Variants in FBRSL1 observed in about 807,000 individuals in gnomAD.
FBRSL1 encodes fibrosin like 1, also known as fibrosin-1-like protein.
FBRSL1 carries 51 observed loss-of-function variants against 89.6 expected under a neutral mutation model. The observed-to-expected ratio is 0.57, with a 90% confidence interval of 0.45 to 0.72. The LOEUF is 0.72. Among genes scored for constraint, FBRSL1 ranks in the 30% least tolerant of loss-of-function variants. FBRSL1 has a pLI of 0.00. For synonymous variants in FBRSL1, 779 were observed against 681.1 expected, an observed-to-expected ratio of 1.14 and a Z score of -2.24; for missense variants, 1,618 against 1,451.8, an observed-to-expected ratio of 1.11 and a Z score of -1.86.
chr12:132,537,946 C>T (rs553744582), intron 4 of FBRSL1, among the ~76,000 whole-genome samples: 73 of 152,276 alleles, frequency 4.8e-4, no homozygotes, highest in African/African-American at 1.6e-3. Flanking sequence ...CGTGTGCAGG[C>T]GCAGTGGCCA....
chr12:132,525,719 C>T lies in FBRSL1; in HGVS notation c.490-15C>T. 6.5e-7 allele frequency: 1 copy of T among 1,537,828 alleles called. No individual in the cohort carries two copies. The highest frequency in any genetic ancestry group is 2.0e-5 in the Admixed American group (1 of 50,884). ...GGTGGGGGTTTGCCTGAGACAGTGT[C>T]TCTCTCTGTCCCAGATGAAGGTCAC... On this transcript the variant is annotated splice_polypyrimidine_tract_variant and intron_variant, in intron 2 of 18. Transcript: ENST00000680143.
chr12:132,563,474 C>G (rs2039318105), intron 5 of FBRSL1, among the ~76,000 whole-genome samples: 1 of 151,888 alleles, frequency 6.6e-6, no homozygotes, highest in African/African-American at 2.4e-5. Flanking sequence ...TCATTCGGTT[C>G]TGTGGATCTC....
chr12:132,536,528 C>G (rs753045302), intron 4 of FBRSL1, among the ~76,000 whole-genome samples: 1 of 148,644 alleles, frequency 6.7e-6, no homozygotes, highest in Non-Finnish European at 1.5e-5. Context: ...TGCATGTGTA[C>G]ATGGTGTGTG....
intron 2 of FBRSL1, chr12:132,510,653 A>G: frequency 8.1e-7 from 1 of 1,229,508 alleles, no homozygotes; most frequent in Non-Finnish European, 1.0e-6. Context: ...CAGTGCCACG[A>G]TCAGGCTGAG....
intron 15 of FBRSL1, among the ~76,000 whole-genome samples, chr12:132,578,543 T>C (rs1195216671): frequency 6.6e-6 from 1 of 152,022 alleles, no homozygotes; most frequent in Non-Finnish European, 1.5e-5. Flanking sequence ...TTCAAACCCA[T>C]GTTGTTCAAG....
chr12:132,493,277 A>G (rs1342628652), intron 1 of FBRSL1, among the ~76,000 whole-genome samples: 3 of 152,000 alleles, frequency 2.0e-5, no homozygotes, highest in Non-Finnish European at 2.9e-5. Flanking sequence ...CTCTGCCCCC[A>G]CCCGCGTCTT....
intron 1 of FBRSL1, among the ~76,000 whole-genome samples, chr12:132,496,326 G>C (rs1189322452): frequency 2.0e-5 from 3 of 152,244 alleles, no homozygotes; most frequent in Non-Finnish European, 4.4e-5. Context: ...TGGAGAAAGA[G>C]AAGTGCCCAG....
rs557306850 is a variant in FBRSL1 at position 132,581,801 on chromosome 12, G to A, written c.1973G>A (p.Gly658Glu). 115 of 1,548,866 alleles carry A rather than the reference G, an allele frequency of 7.4e-5. 1 individual carries two copies. The East Asian group carries it at 2.8e-3, about 38-fold the overall frequency. Residue 658 changes from glycine (G) to glutamate (E), a missense_variant, in exon 17 of 19, where the codon GGG (glycine) becomes GAG (glutamate). By Grantham distance (98) the Gly-to-Glu change is moderately conservative (BLOSUM62 -2). Transcript: ENST00000680143. ...GGCAGCCTGAGCAGCCACGCCTTTG[G>A]GGGCCTGGGCAGCCATGCACTGGGT... ...GLGSLSSHAF[G>E]GLGSHALAPG...
intron 3 of FBRSL1, among the ~76,000 whole-genome samples, 174 bp from the exon 4 acceptor site, chr12:132,527,779 G>A (rs2035923662): frequency 6.8e-6 from 1 of 147,100 alleles, no homozygotes; most frequent in Non-Finnish European, 1.5e-5. Flanking sequence ...GGGCTGCGGG[G>A]CTGCCGGGCA....
intron 14 of FBRSL1, among the ~76,000 whole-genome samples, chr12:132,574,932 T>C (rs1231160342): frequency 6.6e-6 from 1 of 151,890 alleles, no homozygotes; most frequent in Admixed American, 6.6e-5. Flanking sequence ...TGTTCTTCGG[T>C]CTTCAGCAGT....
At chr12:132,551,000 TG>T (rs769061315) in intron 5 of FBRSL1, 46 of 249,420 alleles carry the variant, frequency 1.8e-4, no homozygotes, top group Non-Finnish European at 3.5e-4. Context: ...AGCACCCCAC[TG>T]GCCGTCCCCA....
chr12:132,561,628 C>T lies in FBRSL1; in HGVS notation c.646-5853C>T, dbSNP rs566591052. ...CCTGGCCCCTGGAGAGTCCTGGCGG[C>T]GTGGTGGGGCCTGCTGCCCCAACCA... On this transcript the variant is annotated intron_variant, in intron 5 of 18. Transcript: ENST00000680143. Among the ~76,000 whole-genome samples the T allele has an allele frequency of 1.4e-3, 211 of 152,218 alleles. 1 individual carries two copies. Among genetic ancestry groups the T allele is most frequent in the Admixed American group, 6.8e-3 (104 of 15,300 alleles).
chr12:132,524,671 T>C (rs1286735148), intron 2 of FBRSL1, among the ~76,000 whole-genome samples: 1 of 152,038 alleles, frequency 6.6e-6, no homozygotes, highest in East Asian at 1.9e-4. Flanking sequence ...CTGGGGCGTG[T>C]CACTACAAGG....
At chr12:132,524,039 G>A (rs1001432641) in intron 2 of FBRSL1, among the ~76,000 whole-genome samples, 2 of 152,202 alleles carry the variant, frequency 1.3e-5, no homozygotes, top group African/African-American at 4.8e-5. Flanking sequence ...TGCCGGCCCC[G>A]GGCTCTGCTG....
At chr12:132,509,404 G>T (rs935323740) in intron 2 of FBRSL1, 1 of 1,242,410 alleles carries the variant, frequency 8.0e-7, no homozygotes, top group South Asian at 4.0e-5. Flanking sequence ...CAGCCCCGGC[G>T]GTCACTTCTG....
Position 132,583,024 on chromosome 12 carries a change from C to T in FBRSL1, c.2255C>T (p.Ala752Val). Reference protein sequence around the residue: ...LLSRASPATPAGHPVSGLLLR... With the variant: ...LLSRASPATPVGHPVSGLLLR... The stretch of plus-strand genomic sequence containing the variant: ...AGCCGGGCCTCGCCCGCCACCCCCG[C>T]TGGCCACCCCGTCAGCGGCCTCCTG... The change falls in exon 19 of 19, where the codon GCT (alanine) becomes GTT (valine). Residue 752 changes from alanine (A) to valine (V), a missense_variant. Transcript: ENST00000680143. The T allele has an allele frequency of 6.9e-7, 1 of 1,457,596 alleles. No individual in the cohort carries two copies. The highest frequency in any genetic ancestry group is 9.0e-7 in the Non-Finnish European group (1 of 1,112,634). The allele number at this position is 1,457,596 out of a possible 1,614,324, so 90.3% of individuals were successfully genotyped here. A position where few individuals can be genotyped will look rare whatever the true frequency, so the allele number is the denominator to read the frequency against.
At chr12:132,552,010 G>A (rs939595274) in intron 5 of FBRSL1, 8 of 265,070 alleles carry the variant, frequency 3.0e-5, no homozygotes, top group East Asian at 2.6e-4. Flanking sequence ...CAAGAGCACC[G>A]GCCTGGAAGG....
At chr12:132,574,643 CTGTG>C (rs927377230) in intron 14 of FBRSL1, 79 bp downstream of exon 14, 50 of 1,496,444 alleles carry the variant, frequency 3.3e-5, no homozygotes, top group Middle Eastern at 3.8e-4. Context: ...AGGCATGAGG[CTGTG>C]TGTGTTCACA....
In FBRSL1 at chr12:132,573,160, C is replaced by T. The variant is rs913847403; in HGVS notation, c.1530+538C>T. Among the ~76,000 whole-genome samples the T allele has an allele frequency of 2.6e-5, 4 of 152,218 alleles. No homozygotes were observed. In the South Asian group the frequency reaches 6.2e-4, roughly 24 times the overall value. On this transcript the variant is annotated intron_variant, in intron 11 of 18. Transcript: ENST00000680143. Reference sequence around the variant, plus strand: ...TTCCTGGCCTTGTGCTGTAACCCCACCCTCTGCGGAGGGGCACACAGCTCT... The same window carrying T: ...TTCCTGGCCTTGTGCTGTAACCCCATCCTCTGCGGAGGGGCACACAGCTCT...
Sources: allele counts gnomAD v4.1 joint callset (sites outside exome capture counted in the v4.1 genomes callset), GRCh38; gene constraint gnomAD v4.1.1; transcripts MANE v1.5; gene names NCBI Gene and HGNC (gene_info 2026-07-23, HGNC 2026-07-21).